The following ALPK2 variants were observed in gnomAD, a reference collection of about 807,000 sequenced individuals.
The protein encoded by ALPK2 is alpha-protein kinase 2.
In ALPK2, 127 loss-of-function variants were observed where a neutral mutation model predicts 163.1. That is an observed-to-expected ratio of 0.78 (90% CI 0.67 to 0.90). The LOEUF is 0.90. Ranked by LOEUF, ALPK2 falls within the 40% of genes least tolerant of loss-of-function variation. The pLI is 0.00. For missense variants in ALPK2, 2,360 were observed against 2,589.6 expected (o/e 0.91, Z 1.92); for synonymous variants, 953 against 959.1 (o/e 0.99, Z 0.12).
chr18:58,503,980 G>A lies in ALPK2; in HGVS notation c.6198C>T (p.His2066=). The A allele has an allele frequency of 6.2e-7, 1 of 1,614,198 alleles. No individual in the cohort carries two copies. The highest frequency in any genetic ancestry group is 8.5e-7 in the Non-Finnish European group (1 of 1,180,030). ...EAGQKCCTFQ[H]WVYQKTSGCL... is the part of the protein sequence containing the mutation. ...AGCCACTTGTTTTCTGGTACACCCA[G>A]TGCTGGAAGGTGCAACATTTCTGAC... Residue 2066 remains histidine, a synonymous_variant, in exon 11 of 13, where the codon CAC becomes CAT. Coordinates refer to ENST00000361673, the MANE Select transcript of ALPK2 (RefSeq NM_052947.4).
chr18:58,534,946 A>G lies in ALPK2; in HGVS notation c.5241T>C (p.Asn1747=), dbSNP rs1406152042. 6.2e-7 allele frequency: 1 copy of G among 1,613,808 alleles called. No homozygotes were observed. The highest frequency in any genetic ancestry group is 1.3e-5 in the African/African-American group (1 of 74,810). Residue 1747 remains asparagine (N), a synonymous_variant, in exon 5 of 13, where the codon AAT becomes AAC. Coordinates refer to ENST00000361673, the MANE Select transcript of ALPK2 (RefSeq NM_052947.4). The part of the protein sequence containing the change: ...ALRLKLEEKE[N]IRKNSAFLKK... ...TAAGAAAGGCTGAGTTCTTTCTGAT[A>G]TTTTCCTTTTCTTCCAGTTTCAGCC... is the stretch of plus-strand genomic sequence containing the variant.
chr18:58,614,414 G>T (rs2052153082), intron 1 of ALPK2, among the ~76,000 whole-genome samples: 1 of 152,166 alleles, frequency 6.6e-6, no homozygotes, highest in African/African-American at 2.4e-5. Flanking sequence ...CTGTGCAGAG[G>T]CTGGATGACA....
Position 58,498,117 on chromosome 18 carries a change from A to G in ALPK2, c.6248-20T>C, listed in dbSNP as rs763777265. 6.8e-6 allele frequency: 11 copies of G among 1,613,880 alleles called. No individual in the cohort carries two copies. In the East Asian group the frequency reaches 2.5e-4, roughly 36 times the overall value. On this transcript the variant is annotated intron_variant, in intron 11 of 12. Transcript: ENST00000361673. ...CTACACCTACAGGAAGAGAAAGCAA[A>G]GATGGGAGTTTGTGTTACTCAGGGC...
chr18:58,486,628 G>A (rs1217037618), intron 12 of ALPK2, among the ~76,000 whole-genome samples: 1 of 152,166 alleles, frequency 6.6e-6, no homozygotes, highest in Non-Finnish European at 1.5e-5. Context: ...AACTTGGCCT[G>A]TCAGACAGTG....
chr18:58,519,986 G>C (rs1323467798), intron 8 of ALPK2, among the ~76,000 whole-genome samples: 2 of 152,210 alleles, frequency 1.3e-5, no homozygotes, highest in Non-Finnish European at 1.5e-5. Context: ...CACCTGAGGG[G>C]AGGCTTAGGA....
chr18:58,483,239 C>T (rs532799066), intron 12 of ALPK2, among the ~76,000 whole-genome samples: 2 of 152,338 alleles, frequency 1.3e-5, no homozygotes, highest in South Asian at 2.1e-4. Flanking sequence ...ATGAGGTCCA[C>T]GTTACATTCA....
At chr18:58,532,537 G>T (rs577835029) in intron 5 of ALPK2, among the ~76,000 whole-genome samples, 1 of 152,148 alleles carries the variant, frequency 6.6e-6, no homozygotes, top group Non-Finnish European at 1.5e-5. Context: ...TTTCAGAGAG[G>T]AGGAGCTGTG....
chr18:58,523,943 G>A lies in ALPK2; in HGVS notation c.5621C>T (p.Thr1874Ile). 6.2e-7 allele frequency: 1 copy of A among 1,614,194 alleles called. No individual in the cohort carries two copies. The highest frequency in any genetic ancestry group is 2.2e-5 in the East Asian group (1 of 44,884). Residue 1874 changes from threonine (T) to isoleucine (I), a missense_variant, in exon 7 of 13, where the codon ACA (threonine) becomes ATA (isoleucine). Physicochemically the swap from Thr to Ile is moderately conservative, Grantham distance 89 (BLOSUM62 -1). Transcript: ENST00000361673. ...TGAAAACTGTGGTTTACCTTCAGCTGTGAGGTTAAATTCAGCAGTCACTTT... is the reference window on the plus strand; with the variant it reads ...TGAAAACTGTGGTTTACCTTCAGCTATGAGGTTAAATTCAGCAGTCACTTT... ...YGKVTAEFNL[T>I]AEVLKQLSSR...
chr18:58,573,025 T>G lies in ALPK2; in HGVS notation c.1962+5789A>C, dbSNP rs142068140. Among the ~76,000 whole-genome samples the G allele has an allele frequency of 3.9e-3, 594 of 152,232 alleles. 2 individuals are homozygous for G. Among genetic ancestry groups the G allele is most frequent in the Non-Finnish European group, 6.7e-3 (455 of 68,010 alleles). ...CTTACAACTGCATGTGAATGTACAATTATCTCAGTAAACATTTCAATTAAA... is the reference window on the plus strand; with the variant it reads ...CTTACAACTGCATGTGAATGTACAAGTATCTCAGTAAACATTTCAATTAAA... On this transcript the variant is annotated intron_variant, in intron 4 of 12. Transcript: ENST00000361673.
intron 12 of ALPK2, among the ~76,000 whole-genome samples, chr18:58,492,500 C>T (rs892207651): frequency 6.6e-6 from 1 of 152,194 alleles, no homozygotes; most frequent in African/African-American, 2.4e-5. Flanking sequence ...CTGGTCTTCA[C>T]CCCATGCTGT....
chr18:58,536,674 G>A lies in ALPK2; in HGVS notation c.3513C>T (p.Pro1171=). ...SAAQEERNLV[P]TAHSPASSRE... ...TAGAGCTTGCGGGTGAGTGGGCCGT[G>A]GGCACCAAGTTTCTTTCCTCTTGTG... is the stretch of plus-strand genomic sequence containing the variant. The change falls in exon 5 of 13, where the codon CCC becomes CCT. Residue 1171 remains proline, a synonymous_variant. Transcript: ENST00000361673. 1.2e-6 allele frequency: 2 copies of A among 1,614,084 alleles called. No individual in the cohort carries two copies. Among genetic ancestry groups the A allele is most frequent in the Non-Finnish European group, 1.7e-6 (2 of 1,179,986 alleles).
chr18:58,517,193 G>T lies in ALPK2; in HGVS notation c.5666-11C>A. 1 of 1,610,220 alleles carries T rather than the reference G, an allele frequency of 6.2e-7. No individual in the cohort carries two copies. Among genetic ancestry groups the T allele is most frequent in the Non-Finnish European group, 8.5e-7 (1 of 1,177,134 alleles). ...CAATCTCTTCACATCCTGAAACACA[G>T]CACAGCTTTGGTTGGAAAGAATACC... is the stretch of plus-strand genomic sequence containing the variant. On this transcript the variant is annotated splice_polypyrimidine_tract_variant and intron_variant, in intron 8 of 12. Transcript: ENST00000361673.
rs1215579985 is a variant in ALPK2, at chr18:58,580,341, A to C, written c.435T>G (p.His145Gln). 9.9e-6 allele frequency: 16 copies of C among 1,613,920 alleles called. No homozygotes were observed. Among genetic ancestry groups the C allele is most frequent in the Admixed American group, 1.7e-5 (1 of 59,988 alleles). Reference sequence around the variant, plus strand: ...AGATGCTTTCTTCTTCCTTATAAGGATGTTCCTTCTCATCAATCTGATTTG... The same window carrying C: ...AGATGCTTTCTTCTTCCTTATAAGGCTGTTCCTTCTCATCAATCTGATTTG... ...ERANQIDEKE[H>Q]PYKEEESISP... is the part of the protein sequence containing the mutation. The change falls in exon 4 of 13, where the codon CAT becomes CAG. Residue 145 changes from histidine (H) to glutamine (Q), a missense_variant. Transcript: ENST00000361673.
At chr18:58,483,082 C>T (rs187613797) in intron 12 of ALPK2, among the ~76,000 whole-genome samples, 262 of 152,314 alleles carry the variant, frequency 1.7e-3, no homozygotes, top group Non-Finnish European at 1.7e-3. Context: ...ATAGTGCCAG[C>T]CACATACCCT....
intron 10 of ALPK2, among the ~76,000 whole-genome samples, chr18:58,510,401 GT>G (rs1178128301): frequency 6.6e-6 from 1 of 152,198 alleles, no homozygotes; most frequent in African/African-American, 2.4e-5. Flanking sequence ...CTTTAAAGTA[GT>G]TTTTTCCAAT....
At position 58,483,860 on chromosome 18, in the gene ALPK2, C is replaced by T. The variant is rs546267316; in HGVS notation, c.6297-1821G>A. Among the ~76,000 whole-genome samples the T allele has an allele frequency of 5.3e-5, 8 of 152,112 alleles. No homozygotes were observed. The South Asian group carries it at 6.2e-4, about 12-fold the overall frequency. ...GATTACAAACATGAGCCACCATGCC[C>T]GGCCCTTGCTCACTTTAAATTCTCA... On this transcript the variant is annotated intron_variant, in intron 12 of 12. Transcript: ENST00000361673.
chr18:58,483,133 C>G (rs1341950116), intron 12 of ALPK2, among the ~76,000 whole-genome samples: 1 of 152,210 alleles, frequency 6.6e-6, no homozygotes, highest in African/African-American at 2.4e-5. Context: ...CAAGGGTCCT[C>G]CTTGTCACCG....
At chr18:58,545,713 A>C (rs1250759415) in intron 4 of ALPK2, among the ~76,000 whole-genome samples, 1 of 151,632 alleles carries the variant, frequency 6.6e-6, no homozygotes, top group Non-Finnish European at 1.5e-5. Context: ...TTTTTTTTTC[A>C]AAGTTCTTTT....
intron 3 of ALPK2, among the ~76,000 whole-genome samples, chr18:58,583,041 C>T (rs916341390): frequency 1.3e-5 from 2 of 152,224 alleles, no homozygotes; most frequent in South Asian, 4.1e-4. Context: ...TCTCCTGAAT[C>T]GGGAAAAGAC....
Sources: gnomAD v4.1 joint callset for allele counts (sites outside exome capture counted in the v4.1 genomes callset) on GRCh38, gnomAD v4.1.1 for gene constraint, MANE v1.5 for transcripts, NCBI Gene and HGNC (gene_info 2026-07-23, HGNC 2026-07-21) for gene names.